The following CNRIP1 variants were observed in gnomAD, a reference collection of about 807,000 sequenced individuals.
CNRIP1 encodes the protein CB1 cannabinoid receptor-interacting protein 1.
Under a neutral mutation model 15.2 loss-of-function variants are expected in CNRIP1, and 10 were observed. The observed-to-expected ratio is 0.66, with a 90% CI of 0.41 to 1.12. The LOEUF (loss-of-function observed/expected upper bound fraction) is 1.12. Among genes scored for constraint, CNRIP1 ranks in the 50% most tolerant of loss-of-function variants. The probability of loss-of-function intolerance (pLI) is 0.00; values close to 1 mark genes in which losing one functional copy is unlikely to be tolerated. For missense variants in CNRIP1, 211 were observed against 214.7 expected, an observed-to-expected ratio of 0.98 and a Z score of 0.11; for synonymous variants, 91 against 83.2, an observed-to-expected ratio of 1.09 and a Z score of -0.51.
chr2:68,315,197 A>T (rs984955377), intron 2 of CNRIP1, among the ~76,000 whole-genome samples: 2 of 152,214 alleles, frequency 1.3e-5, no homozygotes, highest in East Asian at 3.8e-4. Context: ...ATGGGTGAAA[A>T]CTATGAACAT....
intron 2 of CNRIP1, among the ~76,000 whole-genome samples, chr2:68,302,880 C>T (rs570812860): frequency 6.8e-6 from 1 of 147,710 alleles, no homozygotes; most frequent in Non-Finnish European, 1.5e-5. Flanking sequence ...ACGGAGTCTC[C>T]CTGTCGCCCA....
chr2:68,311,412 G>A (rs910215102), intron 2 of CNRIP1, among the ~76,000 whole-genome samples: 1 of 152,092 alleles, frequency 6.6e-6, no homozygotes, highest in Non-Finnish European at 1.5e-5. Flanking sequence ...TTTTGAAAAG[G>A]CCAATAAAAC....
At chr2:68,315,926 T>G (rs1427293277) in intron 2 of CNRIP1, 1 of 152,200 alleles carries the variant, frequency 6.6e-6, no homozygotes, top group Non-Finnish European at 1.5e-5. Context: ...GAAACAACTT[T>G]CTAAGAACAT....
intron 2 of CNRIP1, among the ~76,000 whole-genome samples, chr2:68,304,928 A>G (rs953154862): frequency 1.3e-5 from 2 of 152,146 alleles, no homozygotes; most frequent in East Asian, 3.8e-4. Context: ...AGTCACCAAC[A>G]TTTCAAACTT....
chr2:68,309,950 C>CGTAT (rs140235944), intron 2 of CNRIP1, among the ~76,000 whole-genome samples: 4,175 of 151,834 alleles, frequency 0.027, 126 homozygotes, highest in African/African-American at 0.059. Flanking sequence ...TTTATATTTA[C>CGTAT]GTATGTATGT....
chr2:68,298,118 G>A (rs897594741), intron 2 of CNRIP1, among the ~76,000 whole-genome samples: 2 of 151,950 alleles, frequency 1.3e-5, no homozygotes, highest in East Asian at 1.9e-4. Flanking sequence ...TTATGACTTT[G>A]TTCACAATAG....
downstream of CNRIP1, among the ~76,000 whole-genome samples, chr2:68,291,119 A>C (rs552540664): frequency 2.0e-5 from 3 of 152,328 alleles, no homozygotes; most frequent in Admixed American, 2.0e-4. Flanking sequence ...CTGGAGCCCA[A>C]TCATAAGTAG....
At chr2:68,294,267 C>T (rs576250213) in intron 2 of CNRIP1, among the ~76,000 whole-genome samples, 5 of 152,172 alleles carry the variant, frequency 3.3e-5, no homozygotes, top group South Asian at 2.1e-4. Context: ...CCATTGCAAA[C>T]GTGCCACTCG....
intron 2 of CNRIP1, among the ~76,000 whole-genome samples, chr2:68,295,730 G>A (rs1558661923): frequency 6.6e-6 from 1 of 152,186 alleles, no homozygotes; most frequent in Non-Finnish European, 1.5e-5. Flanking sequence ...CTAGAGCCTA[G>A]GGTGAGAAGG....
chr2:68,290,360 T>C (rs1017686667), downstream of CNRIP1, among the ~76,000 whole-genome samples: 4 of 152,174 alleles, frequency 2.6e-5, no homozygotes, highest in Non-Finnish European at 5.9e-5. Context: ...TGAACCATGA[T>C]ACATTACTGA....
intron 2 of CNRIP1, among the ~76,000 whole-genome samples, chr2:68,304,072 CTAAAAA>C (rs1266725644): frequency 1.4e-5 from 2 of 142,438 alleles, no homozygotes; most frequent in African/African-American, 5.2e-5. Flanking sequence ...GCAAGACTGT[CTAAAAA>C]CAAACAAAAA....
chr2:68,302,845 CT>C (rs1214086385), intron 2 of CNRIP1, among the ~76,000 whole-genome samples: 5,116 of 126,202 alleles, frequency 0.041, 84 homozygotes, highest in African/African-American at 0.14. Flanking sequence ...ATTTGAAAAA[CT>C]TTTTTTTTTT....
chr2:68,319,411 G>A lies in CNRIP1; in HGVS notation c.-11C>T. The A allele has an allele frequency of 1.3e-6, 2 of 1,541,992 alleles. No homozygotes were observed. Among genetic ancestry groups the A allele is most frequent in the Non-Finnish European group, 1.7e-6 (2 of 1,145,610 alleles). On this transcript the variant is annotated 5_prime_UTR_variant, in exon 1 of 3. Transcript: ENST00000263655. ...CGGCAGGTCCCCCATGTCTGGGCGA[G>A]GGTCTGGCGCGGCGGCTCCGGGGGG... is the stretch of plus-strand genomic sequence containing the variant.
intron 2 of CNRIP1, among the ~76,000 whole-genome samples, chr2:68,297,505 T>C (rs1558662533): frequency 7.0e-6 from 1 of 142,974 alleles, no homozygotes; most frequent in Non-Finnish European, 1.5e-5. Context: ...GAGGCAGAGG[T>C]TGCAGTGAGC....
At chr2:68,298,146 T>C (rs1671455380) in intron 2 of CNRIP1, among the ~76,000 whole-genome samples, 1 of 152,142 alleles carries the variant, frequency 6.6e-6, no homozygotes, top group African/African-American at 2.4e-5. Context: ...GTGGTATGTA[T>C]AAATCAAAAT....
In CNRIP1 at chr2:68,293,336, GCA is replaced by G. The variant is rs778190382; in HGVS notation, c.*524_*525del. On this transcript the variant is annotated 3_prime_UTR_variant, in exon 3 of 3. Coordinates refer to ENST00000263655, the MANE Select transcript of CNRIP1 (RefSeq NM_015463.3). ...GAAAGAGCGGAGCTGTTTATAGGAA[GCA>G]CAACATTTGAGTCCCATTCACTGCT... is the stretch of plus-strand genomic sequence containing the variant. The G allele has an allele frequency of 4.1e-6, 4 of 986,254 alleles. No homozygotes were observed. Among genetic ancestry groups the G allele is most frequent in the Non-Finnish European group, 4.8e-6 (4 of 830,450 alleles). The allele number at this position is 986,254 out of a possible 1,614,324, so 61.1% of individuals were successfully genotyped here. A position where few individuals can be genotyped will look rare whatever the true frequency, so the allele number is the denominator to read the frequency against.
downstream of CNRIP1, chr2:68,292,913 G>T: frequency 1.7e-6 from 1 of 578,142 alleles, no homozygotes; most frequent in Non-Finnish European, 2.2e-6. Context: ...ATACATCCCC[G>T]TCATCCTGTA....
rs546703015 is a variant in CNRIP1, at chr2:68,319,457, G to T, written c.-57C>A. The stretch of plus-strand genomic sequence containing the variant: ...GGGGGCGGAGGACAGCGCCGGCTGC[G>T]GCCGAGTGGCTGGAGCGCGAGGGGC... On this transcript the variant is annotated 5_prime_UTR_variant, in exon 1 of 3. Coordinates refer to ENST00000263655, the MANE Select transcript of CNRIP1 (RefSeq NM_015463.3). 7 of 1,436,794 alleles carry T rather than the reference G, an allele frequency of 4.9e-6. No individual in the cohort carries two copies. Among genetic ancestry groups the T allele is most frequent in the Non-Finnish European group, 5.5e-6 (6 of 1,094,534 alleles). 89.0% of individuals were successfully genotyped at this position (1,436,794 alleles called of 1,614,324 possible). A position where few individuals can be genotyped will look rare whatever the true frequency, so the allele number is the denominator to read the frequency against.
chr2:68,299,411 AG>A (rs1671518072), intron 2 of CNRIP1, among the ~76,000 whole-genome samples: 3 of 152,124 alleles, frequency 2.0e-5, no homozygotes, highest in African/African-American at 7.2e-5. Flanking sequence ...GAGGGTCATG[AG>A]GGTGGAGCCC....
Sources: allele counts gnomAD v4.1 joint callset (sites outside exome capture counted in the v4.1 genomes callset), GRCh38; gene constraint gnomAD v4.1.1; transcripts MANE v1.5; gene names NCBI Gene and HGNC (gene_info 2026-07-23, HGNC 2026-07-21).